The following LGALS8 variants were observed in gnomAD, a reference collection of about 807,000 sequenced individuals.
LGALS8 encodes galectin 8.
A neutral mutation model predicts 35.9 loss-of-function variants in LGALS8; 30 were observed. That is an observed-to-expected ratio of 0.83 (90% CI 0.62 to 1.13). The LOEUF (loss-of-function observed/expected upper bound fraction) is 1.13. LGALS8 is among the 50% of genes most tolerant of loss of function. The pLI is 0.00. For missense variants in LGALS8, 366 were observed against 388.7 expected, an observed-to-expected ratio of 0.94 and a Z score of 0.49; for synonymous variants, 138 against 136.1, an observed-to-expected ratio of 1.01 and a Z score of -0.10.
At chr1:236,524,261 C>G (rs916742009) in intron 1 of LGALS8, 200 bp downstream of exon 1, 1 of 456,042 alleles carries the variant, frequency 2.2e-6, no homozygotes. Context: ...GGGACGCTGC[C>G]TCTGCAGGCG....
chr1:236,548,676 A>G lies in LGALS8; in HGVS notation c.*515A>G, dbSNP rs370159064. On this transcript the variant is annotated 3_prime_UTR_variant, in exon 10 of 10. Transcript: ENST00000366584. ...TGCAGATATTAAATCACCCGAAGAC[A>G]CTAACTTACAGAAGACACAACTCCT... 14 of 366,520 alleles carry G rather than the reference A, an allele frequency of 3.8e-5. 2 individuals are homozygous for G. Among genetic ancestry groups the G allele is most frequent in the Admixed American group, 4.6e-5 (1 of 21,800 alleles). 22.7% of individuals were successfully genotyped at this position (366,520 alleles called of 1,614,324 possible).
In LGALS8 at chr1:236,550,538, G is replaced by A; in HGVS notation, c.*2377G>A. 1 of 188,318 alleles carries A rather than the reference G, an allele frequency of 5.3e-6. No homozygotes were observed. The highest frequency in any genetic ancestry group is 1.1e-5 in the Non-Finnish European group (1 of 92,240). 11.7% of individuals were successfully genotyped at this position (188,318 alleles called of 1,614,324 possible). On this transcript the variant is annotated 3_prime_UTR_variant, in exon 10 of 10. Coordinates refer to ENST00000366584, the MANE Select transcript of LGALS8 (RefSeq NM_201544.4). ...ATGGATACCATGTATGTAAGATACT[G>A]CTGTACAGAAGAGTTAAGGCTTACA...
intron 3 of LGALS8, among the ~76,000 whole-genome samples, chr1:236,537,961 C>T (rs1661665753): frequency 1.2e-5 from 1 of 85,110 alleles, no homozygotes; most frequent in African/African-American, 3.6e-5. Flanking sequence ...TAAAAATTAA[C>T]TGGCTTGGTG....
intron 9 of LGALS8, among the ~76,000 whole-genome samples, chr1:236,547,690 C>T (rs1031969963): frequency 2.0e-5 from 3 of 151,908 alleles, no homozygotes; most frequent in African/African-American, 7.3e-5. Flanking sequence ...AGGGGCAGCA[C>T]TCTGGCTTTC....
chr1:236,532,190 G>A (rs1661188055), intron 2 of LGALS8, among the ~76,000 whole-genome samples: 1 of 152,178 alleles, frequency 6.6e-6, no homozygotes, highest in Admixed American at 6.5e-5. Context: ...CCCGTTACCA[G>A]TTAGGTTGGT....
chr1:236,543,405 AG>A (rs1341856387), intron 7 of LGALS8, 154 bp from the exon 8 acceptor site: 2 of 717,702 alleles, frequency 2.8e-6, no homozygotes, highest in Non-Finnish European at 5.1e-6. Flanking sequence ...GTGCTGCTGC[AG>A]GGGACCCAGC....
chr1:236,540,494 GATA>G (rs1173223356), intron 4 of LGALS8, 67 bp from the exon 5 acceptor site: 23 of 1,447,826 alleles, frequency 1.6e-5, no homozygotes, highest in Middle Eastern at 2.0e-4. Flanking sequence ...TTTAAATTTG[GATA>G]ATAAGTTAAT....
chr1:236,530,131 A>T (rs1372741358), intron 2 of LGALS8, among the ~76,000 whole-genome samples: 6 of 152,258 alleles, frequency 3.9e-5, no homozygotes, highest in Non-Finnish European at 7.3e-5. Flanking sequence ...TGGTTAAGAA[A>T]TCATTTAGAA....
intron 9 of LGALS8, among the ~76,000 whole-genome samples, chr1:236,547,385 C>T (rs1176836461): frequency 2.0e-5 from 3 of 152,186 alleles, no homozygotes; most frequent in Non-Finnish European, 4.4e-5. Context: ...TTCCAACTTA[C>T]GGGATACCCA....
At chr1:236,543,111 G>GT in intron 7 of LGALS8, 1 of 1,415,718 alleles carries the variant, frequency 7.1e-7, no homozygotes, top group Non-Finnish European at 1.0e-6. Context: ...CGAGTAACCT[G>GT]TATCCACAAT....
intron 2 of LGALS8, among the ~76,000 whole-genome samples, chr1:236,533,729 A>G (rs74151920): frequency 1.4e-3 from 217 of 152,186 alleles, no homozygotes; most frequent in African/African-American, 4.9e-3. Context: ...AATTTGCTAA[A>G]TGATAGTGCA....
At chr1:236,519,669 G>A (rs1378954634), upstream of LGALS8, among the ~76,000 whole-genome samples, 4 of 152,136 alleles carry the variant, frequency 2.6e-5, no homozygotes, top group Admixed American at 1.3e-4. Flanking sequence ...AGTCAGTAGC[G>A]TGCTGGTAAA....
intron 2 of LGALS8, among the ~76,000 whole-genome samples, chr1:236,530,835 C>T (rs1386480434): frequency 2.0e-5 from 3 of 152,034 alleles, no homozygotes; most frequent in Non-Finnish European, 4.4e-5. Context: ...TTTTAAAATT[C>T]AAACAGTATT....
rs1008467549 is a variant in LGALS8, at chr1:236,552,684, A to C, written c.*4523A>C. 6.6e-6 allele frequency: 1 copy of C among 152,290 alleles called. No homozygotes were observed. Among genetic ancestry groups the C allele is most frequent in the Non-Finnish European group, 1.5e-5 (1 of 68,068 alleles). The allele number at this position is 152,290 out of a possible 1,614,324, so 9.4% of individuals were successfully genotyped here. ...CACATGCCTTGTCTATAATAAGGAA[A>C]GCAAGCAGTAGTTGGGTATTGTTAG... is the stretch of plus-strand genomic sequence containing the variant. On this transcript the variant is annotated 3_prime_UTR_variant, in exon 10 of 10. Coordinates refer to ENST00000366584, the MANE Select transcript of LGALS8 (RefSeq NM_201544.4).
intron 9 of LGALS8, among the ~76,000 whole-genome samples, chr1:236,546,443 T>C (rs1662367721): frequency 6.6e-6 from 1 of 152,238 alleles, no homozygotes; most frequent in African/African-American, 2.4e-5. Flanking sequence ...TAAATCTTCT[T>C]GCTCTTTCAA....
In LGALS8 at chr1:236,538,904, A is replaced by C. The variant is rs1467357059; in HGVS notation, c.160A>C (p.Ser54Arg). 1 of 1,612,990 alleles carries C rather than the reference A, an allele frequency of 6.2e-7. No homozygotes were observed. Among genetic ancestry groups the C allele is most frequent in the African/African-American group, 1.3e-5 (1 of 75,004 alleles). The change falls in exon 4 of 10, where the codon AGC (serine) becomes CGC (arginine). Residue 54 changes from serine to arginine, a missense_variant. Ser to Arg is a moderately radical substitution (Grantham distance 110). Coordinates refer to ENST00000366584, the MANE Select transcript of LGALS8 (RefSeq NM_201544.4). ...ATTCCAGGTGGATCTGCAGAATGGC[A>C]GCAGCATGAAACCTCGAGCCGATGT... ...DRFQVDLQNGSSMKPRADVAF... is the reference protein window; with the variant it reads ...DRFQVDLQNGRSMKPRADVAF...
At chr1:236,531,890 C>T (rs1210182853) in intron 2 of LGALS8, among the ~76,000 whole-genome samples, 1 of 152,112 alleles carries the variant, frequency 6.6e-6, no homozygotes, top group Non-Finnish European at 1.5e-5. Flanking sequence ...AAATTGCAAA[C>T]GGAAAGGCAC....
intron 2 of LGALS8, among the ~76,000 whole-genome samples, chr1:236,530,313 G>A (rs373807127): frequency 9.8e-5 from 15 of 152,304 alleles, no homozygotes; most frequent in African/African-American, 3.4e-4. Context: ...ACACAGTCAA[G>A]TCTTTCTTTT....
upstream of LGALS8, among the ~76,000 whole-genome samples, chr1:236,519,842 C>T (rs370040275): frequency 4.6e-5 from 7 of 152,078 alleles, no homozygotes; most frequent in African/African-American, 1.7e-4. Context: ...CTTCAGCTCA[C>T]AGCCCATTAG....
Sources: gnomAD v4.1 joint callset for allele counts (sites outside exome capture counted in the v4.1 genomes callset) on GRCh38, gnomAD v4.1.1 for gene constraint, MANE v1.5 for transcripts, NCBI Gene and HGNC (gene_info 2026-07-23, HGNC 2026-07-21) for gene names.